Variants in RARS1 observed in about 807,000 individuals in gnomAD.
RARS1 encodes the protein arginine--tRNA ligase, cytoplasmic.
A neutral mutation model predicts 78.7 loss-of-function variants in RARS1; 75 were observed. That is an observed-to-expected ratio of 0.95 (90% CI 0.79 to 1.15). RARS1 has a LOEUF of 1.15. RARS1 is among the 50% of genes most tolerant of loss of function. The probability of loss-of-function intolerance (pLI) is 0.00; values close to 1 mark genes in which losing one functional copy is unlikely to be tolerated. For synonymous variants in RARS1, 273 were observed against 268.2 expected (o/e 1.02, Z -0.18); for missense variants, 787 against 787.5 (o/e 1.00, Z 0.01).
In RARS1 at chr5:168,519,131, G is replaced by C. The variant is rs1758735024; in HGVS notation, c.1924G>C (p.Ala642Pro). The change falls in exon 15 of 15, where the codon GCT (alanine) becomes CCT (proline). Residue 642 changes from alanine (A) to proline (P), a missense_variant. By Grantham distance (27) the Ala-to-Pro change is conservative (BLOSUM62 -1). Transcript: ENST00000231572. ...GCGTATGCTGCTATGTGAAGCAGTA[G>C]CTGCTGTCATGGCCAAGGGGTTTGA... ...MWRMLLCEAVAAVMAKGFDIL... is the reference protein window; with the variant it reads ...MWRMLLCEAVPAVMAKGFDIL... 6.2e-7 allele frequency: 1 copy of C among 1,614,094 alleles called. No homozygotes were observed. Among genetic ancestry groups the C allele is most frequent in the Non-Finnish European group, 8.5e-7 (1 of 1,180,006 alleles).
intron 6 of RARS1, 97 bp from the exon 7 acceptor site, chr5:168,497,131 A>G: frequency 9.9e-7 from 1 of 1,014,474 alleles, no homozygotes; most frequent in Non-Finnish European, 1.3e-6. Flanking sequence ...ACTGGCATGT[A>G]AATATTAGTG....
At chr5:168,501,361 G>A (rs1463702852) in intron 8 of RARS1, among the ~76,000 whole-genome samples, 1 of 147,790 alleles carries the variant, frequency 6.8e-6, no homozygotes, top group Non-Finnish European at 1.5e-5. Flanking sequence ...AGAAAATTCA[G>A]TAAATATTGA....
chr5:168,496,364 G>A (rs767594136), intron 6 of RARS1, among the ~76,000 whole-genome samples: 24 of 130,466 alleles, frequency 1.8e-4, no homozygotes, highest in Non-Finnish European at 3.2e-4. Flanking sequence ...GGGCAACAGA[G>A]CAAGACTCTC....
chr5:168,516,984 C>A, intron 13 of RARS1, 34 bp downstream of exon 13: 4 of 1,564,128 alleles, frequency 2.6e-6, no homozygotes, highest in South Asian at 1.1e-5. Flanking sequence ...TATTGTGAAT[C>A]AAATGAAAGC....
intron 5 of RARS1, 55 bp from the exon 6 acceptor site, chr5:168,495,260 T>C: frequency 1.9e-6 from 3 of 1,556,676 alleles, no homozygotes; most frequent in South Asian, 2.4e-5. Context: ...AAAAAATCTT[T>C]CTCTCTTTAT....
At chr5:168,500,869 A>G (rs1025198209) in intron 8 of RARS1, 149 bp downstream of exon 8, 2 of 1,040,810 alleles carry the variant, frequency 1.9e-6, no homozygotes, top group Non-Finnish European at 2.6e-6. Flanking sequence ...GAAACAACCA[A>G]TAAATTTTGA....
At chr5:168,516,990 A>G (rs1727189948) in intron 13 of RARS1, 40 bp downstream of exon 13, 2 of 1,576,802 alleles carry the variant, frequency 1.3e-6, no homozygotes, top group East Asian at 2.2e-5. Context: ...GAATCAAATG[A>G]AAGCATATTT....
At position 168,506,743 on chromosome 5, in the gene RARS1, T is replaced by C; in HGVS notation, c.1258T>C (p.Phe420Leu). The C allele has an allele frequency of 6.2e-7, 1 of 1,613,638 alleles. No individual in the cohort carries two copies. Among genetic ancestry groups the C allele is most frequent in the South Asian group, 1.1e-5 (1 of 91,052 alleles). The change falls in exon 11 of 15, where the codon TTT (phenylalanine) becomes CTT (leucine). Residue 420 changes from phenylalanine (F) to leucine (L), a missense_variant. Physicochemically the swap from Phe to Leu is conservative, Grantham distance 22. Coordinates refer to ENST00000231572, the MANE Select transcript of RARS1 (RefSeq NM_002887.4). Reference protein sequence around the residue: ...NGQSVHFQTIFAAAQMIGWYD... With the variant: ...NGQSVHFQTILAAAQMIGWYD... ...GTAGTCTGTGCACTTCCAGACAATA[T>C]TTGCTGCTGCTCAAATGATTGGTTG...
At chr5:168,488,278 C>T (rs1758011393) in intron 1 of RARS1, 2 of 335,980 alleles carry the variant, frequency 6.0e-6, no homozygotes, top group Admixed American at 4.4e-5. Flanking sequence ...CAGGCATGCG[C>T]CACCATGCCT....
At chr5:168,510,445 CAG>C (rs1469023245) in intron 11 of RARS1, 134 bp from the exon 12 acceptor site, 3 of 677,456 alleles carry the variant, frequency 4.4e-6, no homozygotes, top group Admixed American at 2.9e-5. Context: ...TAATAGTTCT[CAG>C]GGGCAATATG....
Position 168,519,222 on chromosome 5 carries a change from A to T in RARS1, c.*32A>T. ...ATAGGTTTGAACACTGTGTGTTTTT[A>T]CCAAAGTGGCCATTGGCACTGTTTG... On this transcript the variant is annotated 3_prime_UTR_variant, in exon 15 of 15. Coordinates refer to ENST00000231572, the MANE Select transcript of RARS1 (RefSeq NM_002887.4). The T allele has an allele frequency of 1.3e-6, 2 of 1,546,286 alleles. No individual in the cohort carries two copies. The highest frequency in any genetic ancestry group is 2.3e-5 in the South Asian group (2 of 87,094).
intron 12 of RARS1, among the ~76,000 whole-genome samples, chr5:168,512,968 T>C (rs1276026662): frequency 6.6e-6 from 1 of 152,242 alleles, no homozygotes; most frequent in Non-Finnish European, 1.5e-5. Context: ...TAGTGACTTA[T>C]TGTGGTTAAA....
intron 13 of RARS1, 48 bp from the exon 14 acceptor site, chr5:168,517,767 A>G (rs1193117632): frequency 4.4e-6 from 7 of 1,578,140 alleles, no homozygotes; most frequent in Non-Finnish European, 6.0e-6. Flanking sequence ...TGTGCCTAAA[A>G]AAAGGGAACA....
At chr5:168,498,324 A>C (rs1035157236) in intron 7 of RARS1, among the ~76,000 whole-genome samples, 5 of 152,124 alleles carry the variant, frequency 3.3e-5, no homozygotes, top group African/African-American at 1.2e-4. Flanking sequence ...TAGGACTTAA[A>C]ATTTTTTGAT....
chr5:168,515,646 T>G (rs1486045435), intron 12 of RARS1, among the ~76,000 whole-genome samples: 1 of 152,250 alleles, frequency 6.6e-6, no homozygotes, highest in African/African-American at 2.4e-5. Flanking sequence ...TATGCTTCTT[T>G]AGGGCTGAAC....
intron 9 of RARS1, among the ~76,000 whole-genome samples, chr5:168,503,614 TG>T (rs931603191): frequency 1.3e-4 from 11 of 85,572 alleles, no homozygotes; most frequent in African/African-American, 5.7e-4. Context: ...TCAACCCCTT[TG>T]GTAGTTAGTT....
At chr5:168,494,815 G>T (rs754235145) in intron 5 of RARS1, 165 bp downstream of exon 5, 5 of 545,910 alleles carry the variant, frequency 9.2e-6, no homozygotes, top group Non-Finnish European at 1.6e-5. Context: ...CCTGTGAATA[G>T]CTACTGCACT....
At chr5:168,509,409 C>T (rs1758518031) in intron 11 of RARS1, among the ~76,000 whole-genome samples, 1 of 144,278 alleles carries the variant, frequency 6.9e-6, no homozygotes, top group South Asian at 2.3e-4. Context: ...AAGCATGCTT[C>T]ATTGTTATAT....
intron 7 of RARS1, among the ~76,000 whole-genome samples, chr5:168,497,769 G>T (rs866307750): frequency 6.6e-6 from 1 of 151,740 alleles, no homozygotes; most frequent in Admixed American, 6.6e-5. Flanking sequence ...CATTGCATTT[G>T]GTTGTGTGCC....
Sources: allele counts gnomAD v4.1 joint callset (sites outside exome capture counted in the v4.1 genomes callset), GRCh38; gene constraint gnomAD v4.1.1; transcripts MANE v1.5; gene names NCBI Gene and HGNC (gene_info 2026-07-23, HGNC 2026-07-21).